Variants in PHC1 observed in about 807,000 individuals in gnomAD.
The protein encoded by PHC1 is polyhomeotic-like protein 1.
In PHC1, 12 loss-of-function variants were observed where a neutral mutation model predicts 104.3. The observed-to-expected ratio is 0.12, with a 90% CI of 0.07 to 0.19. PHC1 has a LOEUF of 0.19. Among genes scored for constraint, PHC1 ranks in the 10% least tolerant of loss-of-function variants. The pLI, the probability that PHC1 is intolerant of heterozygous loss-of-function variation, is 1.00. For missense variants in PHC1, 671 were observed against 1,200.0 expected (o/e 0.56, Z 6.51); for synonymous variants, 302 against 455.8 (o/e 0.66, Z 4.30).
chr12:8,917,915 T>C, intron 2 of PHC1, 124 bp downstream of exon 2: 1 of 609,320 alleles, frequency 1.6e-6, no homozygotes, highest in South Asian at 2.1e-5. Flanking sequence ...AGATGATGAC[T>C]AAGCTGTCTT....
At position 8,916,903 on chromosome 12, in the gene PHC1, C is replaced by G. The variant is rs764900456; in HGVS notation, c.-48-727C>G. ...CTATGTGGGCTGTAGGTGAGCTCTT[C>G]TGCTTCCTAGTTTTATGACCTTCCA... is the stretch of plus-strand genomic sequence containing the variant. On this transcript the variant is annotated intron_variant, in intron 1 of 14. Coordinates refer to ENST00000544916, the MANE Select transcript of PHC1 (RefSeq NM_004426.3). Among the ~76,000 whole-genome samples, 74 of 152,286 alleles carry G rather than the reference C, an allele frequency of 4.9e-4. 1 individual carries two copies. The highest frequency in any genetic ancestry group is 1.0e-3 in the Non-Finnish European group (71 of 68,026).
rs1256651775 is a variant in PHC1 at position 8,933,923 on chromosome 12, A to C, written c.1952A>C (p.Asp651Ala). Reference sequence around the variant, plus strand: ...GCTGACTCTGAGGAGGAGAGAGATGATGTCTCCACATTGGGTTCAATGCTT... The same window carrying C: ...GCTGACTCTGAGGAGGAGAGAGATGCTGTCTCCACATTGGGTTCAATGCTT... ...RKADSEEERD[D>A]VSTLGSMLPA... is the part of the protein sequence containing the mutation. Residue 651 changes from aspartate (D) to alanine (A), a missense_variant, in exon 9 of 15, where the codon GAT (aspartate) becomes GCT (alanine). By Grantham distance (126) the Asp-to-Ala change is moderately radical. Coordinates refer to ENST00000544916, the MANE Select transcript of PHC1 (RefSeq NM_004426.3). 6.2e-7 allele frequency: 1 copy of C among 1,608,834 alleles called. No homozygotes were observed. The highest frequency in any genetic ancestry group is 1.3e-5 in the African/African-American group (1 of 74,814).
At chr12:8,923,776 G>A (rs1044128702) in intron 6 of PHC1, among the ~76,000 whole-genome samples, 1 of 143,682 alleles carries the variant, frequency 7.0e-6, no homozygotes, top group East Asian at 2.1e-4. Context: ...CTTGCAGTAA[G>A]CCGAGATCAT....
At chr12:8,920,868 T>C (rs1300851028) in intron 3 of PHC1, 117 bp from the exon 4 acceptor site, 10 of 663,276 alleles carry the variant, frequency 1.5e-5, no homozygotes, top group South Asian at 1.2e-4. Context: ...TAAAGTGGAA[T>C]CTCCCTGTTT....
chr12:8,939,252 T>A, intron 14 of PHC1, 53 bp from the exon 15 acceptor site: 1 of 1,605,792 alleles, frequency 6.2e-7, no homozygotes, highest in Non-Finnish European at 8.5e-7. Flanking sequence ...TTCATTTAGC[T>A]TCCCTTCTCC....
Position 8,920,967 on chromosome 12 carries a change from TC to T in PHC1, c.226-15del. The T allele has an allele frequency of 6.3e-7, 1 of 1,587,614 alleles. No individual in the cohort carries two copies. The highest frequency in any genetic ancestry group is 8.6e-7 in the Non-Finnish European group (1 of 1,163,336). On this transcript the variant is annotated splice_polypyrimidine_tract_variant and intron_variant, in intron 3 of 14. Transcript: ENST00000544916. Reference sequence around the variant, plus strand: ...TTCACTGTCTTTGCTATTTCTTGTTTCCCTTCCCCTTTAATAGGCCACAATT... The same window carrying T: ...TTCACTGTCTTTGCTATTTCTTGTTTCCTTCCCCTTTAATAGGCCACAATT...
At chr12:8,932,185 T>C (rs1592205784) in intron 7 of PHC1, among the ~76,000 whole-genome samples, 1 of 129,660 alleles carries the variant, frequency 7.7e-6, no homozygotes, top group East Asian at 1.9e-4. Context: ...GAATAAAACA[T>C]GGATTCAGCC....
chr12:8,928,786 C>T (rs1396103285), intron 6 of PHC1, among the ~76,000 whole-genome samples: 1 of 152,182 alleles, frequency 6.6e-6, no homozygotes, highest in Non-Finnish European at 1.5e-5. Context: ...GTGTAAGGTA[C>T]TCGTGCTGTA....
rs768713000 is a variant in PHC1 at position 8,936,899 on chromosome 12, G to A, written c.2412G>A (p.Gly804=). ...KANLLKCEYC[G]KYAPAEQFRG... ...ATCTCCTGAAGTGCGAGTACTGTGG[G>A]AAGTACGCCCCCGCAGAGCAGTTTC... is the stretch of plus-strand genomic sequence containing the variant. The change falls in exon 12 of 15, where the codon GGG becomes GGA. Residue 804 remains glycine (G), a synonymous_variant. Transcript: ENST00000544916. The A allele has an allele frequency of 6.2e-7, 1 of 1,613,190 alleles. No homozygotes were observed. Among genetic ancestry groups the A allele is most frequent in the South Asian group, 1.1e-5 (1 of 90,998 alleles).
intron 5 of PHC1, among the ~76,000 whole-genome samples, chr12:8,922,350 C>T (rs2137071477): frequency 6.6e-6 from 1 of 152,278 alleles, no homozygotes; most frequent in Admixed American, 6.5e-5. Flanking sequence ...CTCAGCCTAC[C>T]TACTTTCTAT....
At chr12:8,929,531 CTT>C (rs965309403) in intron 6 of PHC1, among the ~76,000 whole-genome samples, 5 of 143,474 alleles carry the variant, frequency 3.5e-5, no homozygotes, top group African/African-American at 5.1e-5. Context: ...AAAATAATGT[CTT>C]TTTTTTTTTT....
intron 6 of PHC1, among the ~76,000 whole-genome samples, chr12:8,927,104 G>T (rs1945534885): frequency 6.6e-6 from 1 of 152,208 alleles, no homozygotes; most frequent in Admixed American, 6.5e-5. Flanking sequence ...GAAGGCAAGG[G>T]AACCAAATGT....
chr12:8,935,294 G>T, intron 11 of PHC1, 56 bp downstream of exon 11: 1 of 926,164 alleles, frequency 1.1e-6, no homozygotes, highest in East Asian at 2.7e-5. Flanking sequence ...AGATGTGTTT[G>T]AGGACTCGGT....
intron 1 of PHC1, among the ~76,000 whole-genome samples, chr12:8,916,646 T>C (rs12321220): frequency 0.018 from 2,675 of 152,168 alleles, 88 homozygotes; most frequent in African/African-American, 0.062. Context: ...GTAAGTGTAG[T>C]CCCCAGTGGG....
chr12:8,923,933 A>G (rs1945442398), intron 6 of PHC1, among the ~76,000 whole-genome samples: 1 of 152,198 alleles, frequency 6.6e-6, no homozygotes, highest in Non-Finnish European at 1.5e-5. Flanking sequence ...AACCATTTAC[A>G]TAGTACTTAC....
intron 4 of PHC1, 130 bp downstream of exon 4, chr12:8,921,195 A>G: frequency 1.5e-6 from 1 of 658,388 alleles, no homozygotes; most frequent in Non-Finnish European, 2.6e-6. Context: ...TTAAGTAGAG[A>G]ATAGTAGTAC....
Position 8,922,724 on chromosome 12 carries a change from T to A in PHC1, c.548T>A (p.Val183Glu). The change falls in exon 6 of 15, where the codon GTG (valine) becomes GAG (glutamate). Residue 183 changes from valine to glutamate, a missense_variant. Physicochemically the swap from Val to Glu is moderately radical, Grantham distance 121. This residue lies in a region of PHC1 where 237 missense variants were observed against 331.1 expected (regional missense o/e 0.72). Coordinates refer to ENST00000544916, the MANE Select transcript of PHC1 (RefSeq NM_004426.3). ...SQLILMPNGA[V>E]AAVQQEVPSA... ...CTCATCCTGATGCCTAATGGGGCGG[T>A]GGCTGCAGTCCAGCAGGAGGTGCCA... The A allele has an allele frequency of 6.2e-7, 1 of 1,611,970 alleles. No individual in the cohort carries two copies.
At position 8,936,917 on chromosome 12, in the gene PHC1, G is replaced by A. The variant is rs377140218; in HGVS notation, c.2430G>A (p.Glu810=). 7.4e-6 allele frequency: 12 copies of A among 1,613,394 alleles called. No individual in the cohort carries two copies. The African/African-American group carries it at 1.6e-4, about 22-fold the overall frequency. Residue 810 remains glutamate (E), a synonymous_variant, in exon 12 of 15, where the codon GAG becomes GAA. Transcript: ENST00000544916. ...CEYCGKYAPA[E]QFRGSKRFCS... The stretch of plus-strand genomic sequence containing the variant: ...ACTGTGGGAAGTACGCCCCCGCAGA[G>A]CAGTTTCGTGGCTCTAAGAGGTTCT...
chr12:8,916,225 G>C (rs1945196896), intron 1 of PHC1, among the ~76,000 whole-genome samples: 2 of 152,018 alleles, frequency 1.3e-5, no homozygotes, highest in South Asian at 4.1e-4. Context: ...GACTGGGGGG[G>C]GATAATAGTG....
Sources: allele counts gnomAD v4.1 joint callset (sites outside exome capture counted in the v4.1 genomes callset), GRCh38; gene constraint gnomAD v4.1.1; regional missense constraint gnomAD v4.1.1; transcripts MANE v1.5; gene names NCBI Gene and HGNC (gene_info 2026-07-23, HGNC 2026-07-21).